The following PACSIN2 variants were observed in gnomAD, a reference collection of about 807,000 sequenced individuals.
PACSIN2 encodes the protein protein kinase C and casein kinase substrate in neurons 2, also known as protein kinase C and casein kinase substrate in neurons protein 2.
In PACSIN2, 25 loss-of-function variants were observed where a neutral mutation model predicts 63.8. The ratio of observed to expected loss-of-function variants is 0.39; its 90% confidence interval spans 0.29 to 0.55. The LOEUF is 0.55. PACSIN2 is among the 20% of genes least tolerant of loss of function. The probability of loss-of-function intolerance (pLI) is 0.62; values close to 1 mark genes in which losing one functional copy is unlikely to be tolerated. For synonymous variants in PACSIN2, 255 were observed against 256.2 expected (o/e 1.00, Z 0.05); for missense variants, 518 against 646.9 (o/e 0.80, Z 2.16).
intron 1 of PACSIN2, among the ~76,000 whole-genome samples, chr22:42,989,904 ATGTATATATATGTG>A (rs1922908787): frequency 1.3e-5 from 2 of 149,390 alleles, no homozygotes; most frequent in African/African-American, 4.9e-5. Flanking sequence ...ACACACATAT[ATGTATATATATGTG>A]TGTATATATA....
chr22:42,900,028 C>T (rs1255468956), intron 2 of PACSIN2, among the ~76,000 whole-genome samples: 1 of 152,120 alleles, frequency 6.6e-6, no homozygotes, highest in Non-Finnish European at 1.5e-5. Flanking sequence ...CCCCTCCTAC[C>T]TGCCCCCATC....
chr22:42,966,289 G>T (rs1920955051), intron 1 of PACSIN2, among the ~76,000 whole-genome samples: 1 of 151,754 alleles, frequency 6.6e-6, no homozygotes, highest in Non-Finnish European at 1.5e-5. Flanking sequence ...AGAATTGCTT[G>T]AACCTGGGAG....
intron 1 of PACSIN2, among the ~76,000 whole-genome samples, chr22:43,008,161 C>T (rs756209884): frequency 3.9e-5 from 6 of 152,084 alleles, no homozygotes; most frequent in Non-Finnish European, 8.8e-5. Context: ...CAGAAGTATT[C>T]TTTTAAAAAA....
At chr22:42,914,495 G>T (rs1931679403) in intron 1 of PACSIN2, among the ~76,000 whole-genome samples, 1 of 152,106 alleles carries the variant, frequency 6.6e-6, no homozygotes, top group African/African-American at 2.4e-5. Context: ...TTGCCCTCCC[G>T]AAGTGCTGGG....
intron 2 of PACSIN2, chr22:42,909,352 A>T (rs1465830179): frequency 8.6e-6 from 3 of 350,758 alleles, no homozygotes; most frequent in African/African-American, 6.5e-5. Context: ...AACACAAAAA[A>T]CTTTTCCACC....
chr22:42,997,566 A>G (rs1010823496), intron 1 of PACSIN2, among the ~76,000 whole-genome samples: 2 of 150,532 alleles, frequency 1.3e-5, no homozygotes, highest in Non-Finnish European at 3.0e-5. Flanking sequence ...AAAAAAAAAA[A>G]CAATAAATAA....
At chr22:42,944,865 A>G (rs1483272943) in intron 1 of PACSIN2, among the ~76,000 whole-genome samples, 1 of 152,220 alleles carries the variant, frequency 6.6e-6, no homozygotes, top group Non-Finnish European at 1.5e-5. Flanking sequence ...TGGGAGGCCA[A>G]GATGGGTGGA....
At chr22:42,928,425 C>T (rs796617568) in intron 1 of PACSIN2, among the ~76,000 whole-genome samples, 24 of 152,350 alleles carry the variant, frequency 1.6e-4, no homozygotes, top group African/African-American at 5.8e-4. Flanking sequence ...GTGAGCCTCA[C>T]ATAGCTTCTA....
chr22:42,901,479 G>A (rs1350855787), intron 2 of PACSIN2, among the ~76,000 whole-genome samples: 1 of 152,192 alleles, frequency 6.6e-6, no homozygotes, highest in East Asian at 1.9e-4. Flanking sequence ...CTGCTCTCAT[G>A]AGGGGAGCAG....
intron 1 of PACSIN2, among the ~76,000 whole-genome samples, chr22:42,987,127 C>G (rs1357299135): frequency 1.3e-5 from 2 of 152,150 alleles, no homozygotes; most frequent in African/African-American, 2.4e-5. Context: ...GTGTCTGAAT[C>G]TATACACAAA....
intron 5 of PACSIN2, among the ~76,000 whole-genome samples, chr22:42,886,811 C>T (rs2146658846): frequency 6.6e-6 from 1 of 152,184 alleles, no homozygotes; most frequent in Admixed American, 6.5e-5. Context: ...CAGGGAGGGT[C>T]CCAGGAGGGA....
intron 1 of PACSIN2, among the ~76,000 whole-genome samples, chr22:42,940,574 G>C (rs1933110313): frequency 1.3e-5 from 2 of 152,176 alleles, no homozygotes; most frequent in South Asian, 2.1e-4. Flanking sequence ...CCCGCCCTGG[G>C]ACAGGGCACA....
chr22:42,888,838 A>C (rs1330814504), intron 4 of PACSIN2, 40 bp from the exon 5 acceptor site: 2 of 1,603,628 alleles, frequency 1.2e-6, no homozygotes, highest in African/African-American at 1.3e-5. Flanking sequence ...TGTCACTGGG[A>C]GTTCAGGATC....
chr22:42,969,769 T>C (rs1488981662), intron 1 of PACSIN2, among the ~76,000 whole-genome samples: 1 of 151,678 alleles, frequency 6.6e-6, no homozygotes, highest in African/African-American at 2.4e-5. Flanking sequence ...AAAGAACCCA[T>C]CTCTACGAAA....
intron 1 of PACSIN2, among the ~76,000 whole-genome samples, chr22:42,916,897 G>A (rs889210324): frequency 6.6e-6 from 1 of 152,170 alleles, no homozygotes; most frequent in East Asian, 1.9e-4. Flanking sequence ...GAAGGTACTC[G>A]GAAATGTTGG....
Position 42,912,136 on chromosome 22 carries a change from C to T in PACSIN2, c.-56G>A, listed in dbSNP as rs147313028. ...TACTTAGTCAGGGGTCAACTTCGAA[C>T]GCTCAAAATCTGTAGACAAACCTAT... On this transcript the variant is annotated 5_prime_UTR_variant, in exon 2 of 11. Coordinates refer to ENST00000263246, the MANE Select transcript of PACSIN2 (RefSeq NM_001184970.3). 367 of 1,232,162 alleles carry T rather than the reference C, an allele frequency of 3.0e-4. No individual in the cohort carries two copies. In the African/African-American group the frequency reaches 4.3e-3, roughly 14 times the overall value. The allele number at this position is 1,232,162 out of a possible 1,614,324, so 76.3% of individuals were successfully genotyped here.
intron 10 of PACSIN2, among the ~76,000 whole-genome samples, chr22:42,874,048 G>A (rs1015066065): frequency 1.3e-5 from 2 of 151,986 alleles, no homozygotes; most frequent in African/African-American, 2.4e-5. Context: ...CCTTGGCCTC[G>A]CAAAGTGCTG....
intron 1 of PACSIN2, among the ~76,000 whole-genome samples, chr22:42,934,003 A>G (rs1241272641): frequency 6.6e-6 from 1 of 152,236 alleles, no homozygotes; most frequent in Non-Finnish European, 1.5e-5. Context: ...AATGACTCAC[A>G]CTGTTCTCCT....
chr22:42,962,780 G>GGGGGGC (rs1920927223), intron 1 of PACSIN2, among the ~76,000 whole-genome samples: 1 of 65,212 alleles, frequency 1.5e-5, no homozygotes, highest in East Asian at 1.3e-3. Flanking sequence ...GTGGGCGGGG[G>GGGGGGC]GGGGGGGCGG....
Sources: allele counts gnomAD v4.1 joint callset (sites outside exome capture counted in the v4.1 genomes callset), GRCh38; gene constraint gnomAD v4.1.1; transcripts MANE v1.5; gene names NCBI Gene and HGNC (gene_info 2026-07-23, HGNC 2026-07-21).